Variants in CHDH observed in about 807,000 individuals in gnomAD.
The protein encoded by CHDH is choline dehydrogenase, mitochondrial.
A neutral mutation model predicts 56.9 loss-of-function variants in CHDH; 43 were observed. The ratio of observed to expected loss-of-function variants is 0.76; its 90% CI spans 0.59 to 0.97. The LOEUF is 0.97. Among genes scored for constraint, CHDH ranks in the 50% least tolerant of loss-of-function variants. The pLI, the probability that CHDH is intolerant of heterozygous loss-of-function variation, is 0.00. For missense variants in CHDH, 816 were observed against 821.1 expected (o/e 0.99, Z 0.08); for synonymous variants, 364 against 348.5 (o/e 1.04, Z -0.50).
At chr3:53,844,010 A>G (rs1461120967) in intron 1 of CHDH, among the ~76,000 whole-genome samples, 1 of 152,100 alleles carries the variant, frequency 6.6e-6, no homozygotes, top group Non-Finnish European at 1.5e-5. Context: ...AGGGGGGAAA[A>G]CCCCCGAGGG....
At chr3:53,841,704 T>C (rs138998909) in intron 1 of CHDH, among the ~76,000 whole-genome samples, 1 of 152,320 alleles carries the variant, frequency 6.6e-6, no homozygotes, top group East Asian at 1.9e-4. Context: ...ACTCTATCAC[T>C]AAAGTACTGA....
chr3:53,816,353 AG>A lies in CHDH; in HGVS notation c.*1423del, dbSNP rs2095615991. ...TTACCTTGTCAGAACAGTCTGGAGA[AG>A]GCATCTCAGTTCAAATGTGAGTGAC... On this transcript the variant is annotated 3_prime_UTR_variant, in exon 9 of 9. Transcript: ENST00000315251. The A allele has an allele frequency of 6.6e-6, 1 of 152,248 alleles. No individual in the cohort carries two copies. Among genetic ancestry groups the A allele is most frequent in the Admixed American group, 6.5e-5 (1 of 15,290 alleles). The allele number at this position is 152,248 out of a possible 1,614,324, so 9.4% of individuals were successfully genotyped here. A position where few individuals can be genotyped will look rare whatever the true frequency, so the allele number is the denominator to read the frequency against.
Position 53,820,627 on chromosome 3 carries a change from G to T in CHDH, c.986-19C>A, listed in dbSNP as rs772513772. On this transcript the variant is annotated intron_variant, in intron 5 of 8. Coordinates refer to ENST00000315251, the MANE Select transcript of CHDH (RefSeq NM_018397.5). ...CCAACCCCTGATACGGGAAGGAGTG[G>T]TTTAGAAAATGGCTACCAAGGGGGC... The T allele has an allele frequency of 8.7e-6, 14 of 1,601,866 alleles. No homozygotes were observed. Among genetic ancestry groups the T allele is most frequent in the Middle Eastern group, 3.3e-4 (2 of 6,010 alleles).
At chr3:53,828,126 A>G (rs1230568818) in intron 2 of CHDH, among the ~76,000 whole-genome samples, 1 of 151,598 alleles carries the variant, frequency 6.6e-6, no homozygotes, top group East Asian at 1.9e-4. Flanking sequence ...CAATAGAGCA[A>G]GAAAGTCTTT....
At chr3:53,836,713 G>A (rs1698507760) in intron 2 of CHDH, among the ~76,000 whole-genome samples, 2 of 152,240 alleles carry the variant, frequency 1.3e-5, no homozygotes, top group South Asian at 4.1e-4. Context: ...CAGGGGATGA[G>A]GCTGCACGTG....
At position 53,817,765 on chromosome 3, in the gene CHDH, G is replaced by A. The variant is rs1221599129; in HGVS notation, c.*12C>T. On this transcript the variant is annotated 3_prime_UTR_variant, in exon 9 of 9. Coordinates refer to ENST00000315251, the MANE Select transcript of CHDH (RefSeq NM_018397.5). ...AGGGGGCTTCCCTGGTCATCCTCCA[G>A]CAGCAACTGTCTTAGCGCTGGGTGG... 1.9e-6 allele frequency: 3 copies of A among 1,574,458 alleles called. No individual in the cohort carries two copies. The South Asian group carries it at 3.6e-5, about 19-fold the overall frequency.
Position 53,822,604 on chromosome 3 carries a change from CT to C in CHDH, c.741del (p.Ala248HisfsTer2). 6.2e-7 allele frequency: 1 copy of C among 1,612,170 alleles called. No homozygotes were observed. The highest frequency in any genetic ancestry group is 8.5e-7 in the Non-Finnish European group (1 of 1,179,988). ...RWSAACAYLH[P>X]ALSRTNLKAE... Reference sequence around the variant, plus strand: ...GCCTTGAGGTTGGTGCGGCTCAGTGCTGGGTGCAGGTAGGCACAGGCCGCGC... The same window carrying C: ...GCCTTGAGGTTGGTGCGGCTCAGTGCGGGTGCAGGTAGGCACAGGCCGCGC... On this transcript the variant is annotated frameshift_variant, in exon 4 of 9. Coordinates refer to ENST00000315251, the MANE Select transcript of CHDH (RefSeq NM_018397.5). LOFTEE classifies it high-confidence loss of function.
chr3:53,821,479 A>G (rs2095626346), intron 5 of CHDH, among the ~76,000 whole-genome samples, 168 bp downstream of exon 5: 1 of 152,178 alleles, frequency 6.6e-6, no homozygotes, highest in Non-Finnish European at 1.5e-5. Context: ...CCCAGGGATG[A>G]CAGTGTCCAG....
intron 2 of CHDH, among the ~76,000 whole-genome samples, chr3:53,832,348 G>A (rs1482976939): frequency 6.6e-6 from 1 of 152,086 alleles, no homozygotes; most frequent in East Asian, 1.9e-4. Context: ...TGGATAACAT[G>A]GTGAAACCCC....
chr3:53,829,434 G>C (rs866751611), intron 2 of CHDH, among the ~76,000 whole-genome samples: 1 of 152,184 alleles, frequency 6.6e-6, no homozygotes, highest in Non-Finnish European at 1.5e-5. Context: ...TGTAATAAAT[G>C]TACCACTTTA....
Position 53,841,328 on chromosome 3 carries a change from G to A in CHDH, c.-130-329C>T, listed in dbSNP as rs537536303. Among the ~76,000 whole-genome samples, 8 of 152,232 alleles carry A rather than the reference G, an allele frequency of 5.3e-5. No individual in the cohort carries two copies. In the South Asian group the frequency reaches 1.2e-3, roughly 24 times the overall value. On this transcript the variant is annotated intron_variant, in intron 1 of 8. Coordinates refer to ENST00000315251, the MANE Select transcript of CHDH (RefSeq NM_018397.5). ...CCAGGACAAATCTTCCCTTCCCACT[G>A]TCTGCTGCGCCGACTCCAGTACTTC...
At position 53,819,741 on chromosome 3, in the gene CHDH, G is replaced by A; in HGVS notation, c.1121-67C>T. ...CGTGGCAGGTGGGCCGGCTGCTCCTGGTTTCCCTCCTTTCTCCTGGCCGCT... is the reference window on the plus strand; with the variant it reads ...CGTGGCAGGTGGGCCGGCTGCTCCTAGTTTCCCTCCTTTCTCCTGGCCGCT... On this transcript the variant is annotated intron_variant, in intron 6 of 8. Transcript: ENST00000315251. This position sits in a 1 kb window ranked among gnomAD's most constrained non-coding sequence, Gnocchi z 5.4. 4.1e-6 allele frequency: 6 copies of A among 1,470,136 alleles called. No individual in the cohort carries two copies. The highest frequency in any genetic ancestry group is 1.4e-5 in the African/African-American group (1 of 70,574). 91.1% of individuals were successfully genotyped at this position (1,470,136 alleles called of 1,614,324 possible). A position where few individuals can be genotyped will look rare whatever the true frequency, so the allele number is the denominator to read the frequency against.
rs1432347016 is a variant in CHDH at position 53,815,160 on chromosome 3, A to C, written c.*2617T>G. ...TGCCTTCTACTAGTGCAGCGGCTTCAACACAGGCTTCTGCAATAGGTCAGG... is the reference window on the plus strand; with the variant it reads ...TGCCTTCTACTAGTGCAGCGGCTTCCACACAGGCTTCTGCAATAGGTCAGG... On this transcript the variant is annotated 3_prime_UTR_variant, in exon 9 of 9. Coordinates refer to ENST00000315251, the MANE Select transcript of CHDH (RefSeq NM_018397.5). The C allele has an allele frequency of 6.6e-6, 1 of 152,292 alleles. No individual in the cohort carries two copies. Among genetic ancestry groups the C allele is most frequent in the Non-Finnish European group, 1.5e-5 (1 of 68,060 alleles). 9.4% of individuals were successfully genotyped at this position (152,292 alleles called of 1,614,324 possible). A position where few individuals can be genotyped will look rare whatever the true frequency, so the allele number is the denominator to read the frequency against.
intron 2 of CHDH, among the ~76,000 whole-genome samples, chr3:53,838,488 G>A (rs1188083048): frequency 1.3e-5 from 2 of 152,210 alleles, no homozygotes; most frequent in Non-Finnish European, 2.9e-5. Context: ...AGGGAGGTGG[G>A]TATGGGTAAC....
At position 53,817,476 on chromosome 3, in the gene CHDH, T is replaced by C. The variant is rs17053530; in HGVS notation, c.*301A>G. On this transcript the variant is annotated 3_prime_UTR_variant, in exon 9 of 9. Transcript: ENST00000315251. ...TGCCACGTGAACACAAGAAAAAGGA[T>C]GCGGCAGGAGTTAACCATCCTCCCC... 0.021 allele frequency: 8,033 copies of C among 379,518 alleles called. 582 individuals are homozygous for C. Among genetic ancestry groups the C allele is most frequent in the African/African-American group, 0.15 (7,400 of 49,224 alleles). The allele number at this position is 379,518 out of a possible 1,614,324, so 23.5% of individuals were successfully genotyped here.
At position 53,817,680 on chromosome 3, in the gene CHDH, G is replaced by T; in HGVS notation, c.*97C>A. 1.9e-6 allele frequency: 2 copies of T among 1,040,498 alleles called. No homozygotes were observed. The highest frequency in any genetic ancestry group is 2.8e-6 in the Non-Finnish European group (2 of 724,964). 64.5% of individuals were successfully genotyped at this position (1,040,498 alleles called of 1,614,324 possible). A position where few individuals can be genotyped will look rare whatever the true frequency, so the allele number is the denominator to read the frequency against. ...TAGGGTACCACCTGGGTCCTAGTGT[G>T]CTAGATAGTTTCAGGCAGGAGCCTG... On this transcript the variant is annotated 3_prime_UTR_variant, in exon 9 of 9. Transcript: ENST00000315251.
chr3:53,834,436 G>C (rs1308530339), intron 2 of CHDH, among the ~76,000 whole-genome samples: 3 of 152,136 alleles, frequency 2.0e-5, no homozygotes, highest in African/African-American at 7.2e-5. Context: ...GACACAGTGA[G>C]ACTCTTTCAA....
rs1301381041 is a variant in CHDH, at chr3:53,812,740, G to A, written c.*5037C>T. ...AGGTGGATGAGATATAGCTGCTCTT[G>A]TCCTCTGGGGACTGGTGGTGCTGCT... On this transcript the variant is annotated 3_prime_UTR_variant, in exon 9 of 9. Transcript: ENST00000315251. The A allele has an allele frequency of 6.6e-6, 1 of 152,258 alleles. No homozygotes were observed. The highest frequency in any genetic ancestry group is 1.5e-5 in the Non-Finnish European group (1 of 68,062). The allele number at this position is 152,258 out of a possible 1,614,324, so 9.4% of individuals were successfully genotyped here. A position where few individuals can be genotyped will look rare whatever the true frequency, so the allele number is the denominator to read the frequency against.
At chr3:53,832,303 A>G (rs4687748) in intron 2 of CHDH, among the ~76,000 whole-genome samples, 41,872 of 152,070 alleles carry the variant, frequency 0.28, 9,175 homozygotes, top group African/African-American at 0.57. Flanking sequence ...AGGCCAAGGT[A>G]GGCGGATCAT....
Sources: allele counts gnomAD v4.1 joint callset (sites outside exome capture counted in the v4.1 genomes callset), GRCh38; gene constraint gnomAD v4.1.1; non-coding constraint Gnocchi (gnomAD v3.1); transcripts MANE v1.5; gene names NCBI Gene and HGNC (gene_info 2026-07-23, HGNC 2026-07-21).